NALCN: variants seen among roughly 807,000 people sequenced by gnomAD.
The protein encoded by NALCN is sodium leak channel, non-selective, also known as sodium leak channel NALCN.
Under a neutral mutation model 225.3 loss-of-function variants are expected in NALCN, and 111 were observed. That is an observed-to-expected ratio of 0.49 (90% CI 0.42 to 0.58). The LOEUF (loss-of-function observed/expected upper bound fraction) is 0.58. NALCN is among the 20% of genes least tolerant of loss of function. The pLI, the probability that NALCN is intolerant of heterozygous loss-of-function variation, is 0.00. For missense variants in NALCN, 1,378 were observed against 2,202.4 expected (o/e 0.63, Z 7.49); for synonymous variants, 764 against 769.0 (o/e 0.99, Z 0.11).
At chr13:101,116,619 G>A (rs757050181) in intron 18 of NALCN, 6 of 478,366 alleles carry the variant, frequency 1.3e-5, no homozygotes, top group Admixed American at 4.8e-5. Context: ...AGGCCTATGA[G>A]TCTTCAAATT....
intron 10 of NALCN, among the ~76,000 whole-genome samples, chr13:101,258,814 CAT>C (rs747844685): frequency 2.6e-5 from 4 of 152,136 alleles, no homozygotes; most frequent in Admixed American, 2.0e-4. Flanking sequence ...AAATGGAAAA[CAT>C]ATATCATTTG....
At chr13:101,179,896 A>C (rs991410712) in intron 14 of NALCN, among the ~76,000 whole-genome samples, 1 of 152,154 alleles carries the variant, frequency 6.6e-6, no homozygotes, top group African/African-American at 2.4e-5. Flanking sequence ...TGTCTCTTCC[A>C]GCTGCTGGTG....
At chr13:101,213,464 A>C (rs1044271691) in intron 13 of NALCN, among the ~76,000 whole-genome samples, 4 of 152,198 alleles carry the variant, frequency 2.6e-5, no homozygotes, top group Non-Finnish European at 5.9e-5. Context: ...AATTAAGCTA[A>C]AGAGCCTCTG....
At chr13:101,272,243 G>C (rs1363140320) in intron 10 of NALCN, among the ~76,000 whole-genome samples, 1 of 151,856 alleles carries the variant, frequency 6.6e-6, no homozygotes, top group Non-Finnish European at 1.5e-5. Flanking sequence ...GTATGAGTGT[G>C]TATGTGTGTG....
At chr13:101,185,456 C>A (rs1223606562) in intron 14 of NALCN, among the ~76,000 whole-genome samples, 1 of 152,112 alleles carries the variant, frequency 6.6e-6, no homozygotes, top group South Asian at 2.1e-4. Flanking sequence ...GACAGAAAAA[C>A]ATTGCAGGAA....
intron 6 of NALCN, among the ~76,000 whole-genome samples, chr13:101,355,760 G>T (rs551031877): frequency 1.5e-4 from 23 of 152,140 alleles, no homozygotes; most frequent in Admixed American, 9.2e-4. Context: ...TTCTCAGTGC[G>T]ACATGGCACT....
At chr13:101,233,339 A>ATTTTTTTT in intron 12 of NALCN, among the ~76,000 whole-genome samples, 1 of 139,922 alleles carries the variant, frequency 7.1e-6, no homozygotes, top group Non-Finnish European at 1.5e-5. Context: ...CTTGGGAAGA[A>ATTTTTTTT]TTTTTTTTTT....
At chr13:101,216,875 G>A (rs9513868) in intron 13 of NALCN, among the ~76,000 whole-genome samples, 41,123 of 151,978 alleles carry the variant, frequency 0.27, 6,596 homozygotes, top group Non-Finnish European at 0.37. Flanking sequence ...AAACTCAATA[G>A]AGCAAGTAAT....
At chr13:101,370,744 C>T (rs1320296156) in intron 6 of NALCN, among the ~76,000 whole-genome samples, 1 of 152,190 alleles carries the variant, frequency 6.6e-6, no homozygotes. Flanking sequence ...CACACTGAGA[C>T]ATTTTAAGCA....
chr13:101,138,033 T>C (rs1255701127), intron 17 of NALCN, among the ~76,000 whole-genome samples: 1 of 152,236 alleles, frequency 6.6e-6, no homozygotes, highest in African/African-American at 2.4e-5. Context: ...TTTGCATATA[T>C]GTCCCCCTCT....
intron 9 of NALCN, among the ~76,000 whole-genome samples, chr13:101,288,068 CTA>C (rs2043407141): frequency 6.6e-6 from 1 of 152,132 alleles, no homozygotes; most frequent in Admixed American, 6.5e-5. Context: ...CTAATAGTCA[CTA>C]TGACAGAAAA....
At chr13:101,337,068 G>A (rs961802730) in intron 7 of NALCN, among the ~76,000 whole-genome samples, 2 of 152,080 alleles carry the variant, frequency 1.3e-5, no homozygotes. Context: ...TTGCCCAGAT[G>A]TTTACAGCTC....
At chr13:101,347,611 CAG>C (rs2045781795) in intron 6 of NALCN, among the ~76,000 whole-genome samples, 1 of 152,092 alleles carries the variant, frequency 6.6e-6, no homozygotes, top group Non-Finnish European at 1.5e-5. Flanking sequence ...TACAATATAA[CAG>C]TAAGATGGTA....
chr13:101,111,582 C>T (rs746856408), intron 18 of NALCN, among the ~76,000 whole-genome samples: 2 of 152,144 alleles, frequency 1.3e-5, no homozygotes, highest in Non-Finnish European at 2.9e-5. Flanking sequence ...TTTGTCCCCA[C>T]CCAAATCTCA....
At chr13:101,134,821 T>C (rs1269157450) in intron 17 of NALCN, among the ~76,000 whole-genome samples, 7 of 152,148 alleles carry the variant, frequency 4.6e-5, no homozygotes. Flanking sequence ...AATGAAACTG[T>C]GCAAAAATCG....
intron 43 of NALCN, chr13:101,057,647 A>G (rs1362855571): frequency 1.5e-5 from 6 of 404,144 alleles, no homozygotes; most frequent in Non-Finnish European, 2.7e-5. Context: ...GCACACAGAA[A>G]GCCCTTGGAA....
chr13:101,312,076 G>T (rs1015013673), intron 7 of NALCN, among the ~76,000 whole-genome samples: 15 of 152,018 alleles, frequency 9.9e-5, no homozygotes, highest in African/African-American at 2.9e-4. Context: ...ACTTCTTCCT[G>T]GTTTAGTCTT....
At position 101,110,715 on chromosome 13, in the gene NALCN, T is replaced by C. The variant is rs771162726; in HGVS notation, c.2295-27A>G. The C allele has an allele frequency of 5.0e-6, 8 of 1,612,626 alleles. No homozygotes were observed. The Admixed American group carries it at 1.0e-4, about 20-fold the overall frequency. On this transcript the variant is annotated intron_variant, in intron 19 of 43. Coordinates refer to ENST00000251127, the MANE Select transcript of NALCN (RefSeq NM_052867.4). ...TAAAACAACCACAGGCACTGGTTAA[T>C]ACATCTCAAGATCAAACTGGCCTTT...
At chr13:101,293,816 T>C (rs1347876462) in intron 7 of NALCN, among the ~76,000 whole-genome samples, 7 of 152,230 alleles carry the variant, frequency 4.6e-5, no homozygotes, top group African/African-American at 1.7e-4. Context: ...CTATTATGCA[T>C]TAATGTGTGC....
Sources: allele counts gnomAD v4.1 joint callset (sites outside exome capture counted in the v4.1 genomes callset), GRCh38; gene constraint gnomAD v4.1.1; transcripts MANE v1.5; gene names NCBI Gene and HGNC (gene_info 2026-07-23, HGNC 2026-07-21).